DLG2: variants seen among roughly 807,000 people sequenced by gnomAD.
DLG2 encodes disks large homolog 2.
Under a neutral mutation model 132.5 loss-of-function variants are expected in DLG2, and 45 were observed. The observed-to-expected ratio is 0.34, with a 90% CI of 0.27 to 0.44. The LOEUF (loss-of-function observed/expected upper bound fraction) is 0.44, where lower values mean the gene tolerates loss of function less well. DLG2 is among the 20% of genes least tolerant of loss of function. The pLI, the probability that DLG2 is intolerant of heterozygous loss-of-function variation, is 1.00. For synonymous variants in DLG2, 424 were observed against 419.6 expected, an observed-to-expected ratio of 1.01 and a Z score of -0.13; for missense variants, 1,045 against 1,196.9, an observed-to-expected ratio of 0.87 and a Z score of 1.87.
intron 6 of DLG2, among the ~76,000 whole-genome samples, chr11:84,914,810 TGTAAAAATA>T (rs2092350452): frequency 7.2e-5 from 11 of 152,202 alleles, no homozygotes; most frequent in Admixed American, 7.2e-4. Flanking sequence ...TCCTTTCACA[TGTAAAAATA>T]GGTTTAATAG....
intron 3 of DLG2, among the ~76,000 whole-genome samples, chr11:85,574,912 C>T (rs1373065976): frequency 6.6e-6 from 1 of 151,984 alleles, no homozygotes; most frequent in Non-Finnish European, 1.5e-5. Flanking sequence ...TAATACAGTC[C>T]CTATCTTCAA....
intron 6 of DLG2, among the ~76,000 whole-genome samples, chr11:84,842,508 A>G (rs1473107048): frequency 6.6e-6 from 1 of 152,116 alleles, no homozygotes; most frequent in East Asian, 1.9e-4. Flanking sequence ...AACTACCACA[A>G]GCAGGGTAGA....
At chr11:84,621,407 C>T (rs1025292668) in intron 6 of DLG2, among the ~76,000 whole-genome samples, 2 of 152,182 alleles carry the variant, frequency 1.3e-5, no homozygotes, top group South Asian at 2.1e-4. Flanking sequence ...TAAGCACTAG[C>T]TGTGAGTATG....
chr11:85,533,984 TG>T (rs2075396806), intron 3 of DLG2, among the ~76,000 whole-genome samples: 1 of 152,232 alleles, frequency 6.6e-6, no homozygotes, highest in South Asian at 2.1e-4. Flanking sequence ...TCTGGTTTTT[TG>T]TTTTTTGTTT....
chr11:84,412,735 G>A (rs2098913495), intron 7 of DLG2, among the ~76,000 whole-genome samples: 1 of 152,142 alleles, frequency 6.6e-6, no homozygotes, highest in Non-Finnish European at 1.5e-5. Context: ...AAGGCTCCAT[G>A]GTTTTGAGCT....
At chr11:84,626,906 C>G (rs1380722765) in intron 6 of DLG2, among the ~76,000 whole-genome samples, 1 of 109,672 alleles carries the variant, frequency 9.1e-6, no homozygotes, top group Non-Finnish European at 1.9e-5. Context: ...GAGTCTCACT[C>G]TGTCACCCAG....
At chr11:85,320,316 C>G (rs752892649) in intron 3 of DLG2, among the ~76,000 whole-genome samples, 7 of 151,850 alleles carry the variant, frequency 4.6e-5, no homozygotes, top group Admixed American at 2.0e-4. Flanking sequence ...AGCAGCTTGT[C>G]TAAATTTTCA....
intron 12 of DLG2, among the ~76,000 whole-genome samples, chr11:83,979,415 T>A (rs1043377663): frequency 1.3e-5 from 2 of 152,190 alleles, no homozygotes; most frequent in Non-Finnish European, 2.9e-5. Context: ...GATACACTAA[T>A]CTTACTTGAG....
chr11:85,054,543 T>A (rs368212430), intron 6 of DLG2, among the ~76,000 whole-genome samples: 1 of 152,144 alleles, frequency 6.6e-6, no homozygotes, highest in African/African-American at 2.4e-5. Context: ...AGAAAACAAA[T>A]TGTTCTACCA....
In DLG2 at chr11:84,157,471, C is replaced by A. The variant is rs765772522; in HGVS notation, c.624+5990G>T. ...TTAAAGATGGGGTCTCATTCTATTG[C>A]CCAGACTGGAATGCAGTGGCACAAT... On this transcript the variant is annotated intron_variant, in intron 9 of 27. Transcript: ENST00000376104. 1.8e-4 allele frequency among the ~76,000 whole-genome samples: 27 copies of A among 152,236 alleles called. 1 individual carries two copies. Among genetic ancestry groups the A allele is most frequent in the Admixed American group, 8.5e-4 (13 of 15,286 alleles).
At chr11:84,346,687 C>T (rs2098540775) in intron 7 of DLG2, among the ~76,000 whole-genome samples, 1 of 152,208 alleles carries the variant, frequency 6.6e-6, no homozygotes, top group South Asian at 2.1e-4. Flanking sequence ...AAGCAATTCT[C>T]CTGCCTCAGC....
intron 6 of DLG2, among the ~76,000 whole-genome samples, chr11:84,696,029 T>C (rs1417227765): frequency 6.6e-6 from 1 of 151,514 alleles, no homozygotes; most frequent in Admixed American, 6.6e-5. Flanking sequence ...CAACGAACAC[T>C]TAACAATTGT....
chr11:83,766,415 T>C (rs993232971), intron 18 of DLG2, among the ~76,000 whole-genome samples: 2 of 148,506 alleles, frequency 1.3e-5, no homozygotes, highest in African/African-American at 5.0e-5. Flanking sequence ...TTTTTTTTTA[T>C]AATGAGTTAT....
At chr11:84,904,625 T>C (rs140055005) in intron 6 of DLG2, among the ~76,000 whole-genome samples, 90 of 152,324 alleles carry the variant, frequency 5.9e-4, no homozygotes, top group African/African-American at 2.1e-3. Flanking sequence ...CTATTGAAAC[T>C]ATTTCCGTCA....
At chr11:84,353,184 T>G (rs2098591092) in intron 7 of DLG2, among the ~76,000 whole-genome samples, 1 of 152,176 alleles carries the variant, frequency 6.6e-6, no homozygotes, top group East Asian at 1.9e-4. Context: ...CTGCCAACTG[T>G]TTTTTACCGC....
intron 14 of DLG2, among the ~76,000 whole-genome samples, chr11:83,960,874 T>C (rs1003061807): frequency 2.6e-5 from 4 of 152,008 alleles, no homozygotes; most frequent in African/African-American, 9.7e-5. Flanking sequence ...TATGTGTATG[T>C]TTATGTGTGT....
intron 3 of DLG2, among the ~76,000 whole-genome samples, chr11:85,466,546 G>A (rs1055095230): frequency 6.6e-5 from 10 of 152,092 alleles, no homozygotes; most frequent in African/African-American, 2.2e-4. Flanking sequence ...AGTTTTCCCA[G>A]CACCATTTAT....
intron 6 of DLG2, among the ~76,000 whole-genome samples, chr11:84,871,294 G>A (rs992426997): frequency 6.6e-6 from 1 of 152,192 alleles, no homozygotes; most frequent in Non-Finnish European, 1.5e-5. Context: ...AACCACAAGT[G>A]ATTCTGATGC....
At chr11:85,075,018 G>C (rs1419335627) in intron 6 of DLG2, among the ~76,000 whole-genome samples, 1 of 151,792 alleles carries the variant, frequency 6.6e-6, no homozygotes, top group Non-Finnish European at 1.5e-5. Flanking sequence ...GCAATCTAAG[G>C]AAGAGAAAAT....
Sources: gnomAD v4.1 joint callset for allele counts (sites outside exome capture counted in the v4.1 genomes callset) on GRCh38, gnomAD v4.1.1 for gene constraint, MANE v1.5 for transcripts, NCBI Gene and HGNC (gene_info 2026-07-23, HGNC 2026-07-21) for gene names.